TTF1: variants seen among roughly 807,000 people sequenced by gnomAD.
The protein encoded by TTF1 is transcription termination factor 1.
A neutral mutation model predicts 80.2 loss-of-function variants in TTF1; 64 were observed. That is an observed-to-expected ratio of 0.80 (90% CI 0.65 to 0.98). TTF1 has a LOEUF of 0.98. Ranked by LOEUF, TTF1 falls within the 50% of genes least tolerant of loss-of-function variation. The probability of loss-of-function intolerance (pLI) is 0.00; values close to 1 mark genes in which losing one functional copy is unlikely to be tolerated. For synonymous variants in TTF1, 372 were observed against 382.7 expected, an observed-to-expected ratio of 0.97 and a Z score of 0.33; for missense variants, 1,023 against 1,086.2, an observed-to-expected ratio of 0.94 and a Z score of 0.82.
chr9:132,391,713 G>C (rs373904822), intron 6 of TTF1, among the ~76,000 whole-genome samples: 1 of 152,284 alleles, frequency 6.6e-6, no homozygotes, highest in South Asian at 2.1e-4. Context: ...AAAAGTCCCC[G>C]CCTGACGGGC....
At chr9:132,397,745 G>C (rs1484134602) in intron 4 of TTF1, among the ~76,000 whole-genome samples, 1 of 152,202 alleles carries the variant, frequency 6.6e-6, no homozygotes, top group Non-Finnish European at 1.5e-5. Flanking sequence ...CCAGCACTTT[G>C]GGAGGCCGAG....
At chr9:132,396,058 C>G (rs1016944289) in intron 5 of TTF1, among the ~76,000 whole-genome samples, 1 of 152,138 alleles carries the variant, frequency 6.6e-6, no homozygotes, top group Admixed American at 6.5e-5. Flanking sequence ...TACTAAAAAC[C>G]CACAGCACTC....
intron 4 of TTF1, 69 bp from the exon 5 acceptor site, chr9:132,396,580 G>C: frequency 7.6e-7 from 1 of 1,310,986 alleles, no homozygotes; most frequent in East Asian, 2.3e-5. Flanking sequence ...AAGGAACCCA[G>C]AACAGCCCTT....
chr9:132,379,081 A>G lies in TTF1; in HGVS notation c.2442T>C (p.Phe814=), dbSNP rs750911734. Residue 814 remains phenylalanine (F), a synonymous_variant, in exon 10 of 11, where the codon TTT becomes TTC. Coordinates refer to ENST00000334270, the MANE Select transcript of TTF1 (RefSeq NM_007344.4). ...FSRLKAVYVP[F]WQKKTFPEII... is the part of the protein sequence containing the mutation. ...AACCTGGAAAAGTCTTTTTCTGCCA[A>G]AATGGAACATAGACAGCTTTCAGCC... 6.8e-6 allele frequency: 11 copies of G among 1,609,712 alleles called. No homozygotes were observed. The highest frequency in any genetic ancestry group is 9.3e-6 in the Non-Finnish European group (11 of 1,178,746).
In TTF1 at chr9:132,401,777, T is replaced by G; in HGVS notation, c.1045A>C (p.Met349Leu). Residue 349 changes from methionine (M) to leucine (L), a missense_variant, in exon 2 of 11, where the codon ATG becomes CTG. Transcript: ENST00000334270. ...SNHQEFEAVAMPESLESAYPE... is the reference protein window; with the variant it reads ...SNHQEFEAVALPESLESAYPE... ...TATGCACTCTCGAGGCTCTCAGGCA[T>G]GGCCACTGCCTCAAATTCCTGGTGA... 1 of 1,614,214 alleles carries G rather than the reference T, an allele frequency of 6.2e-7. No individual in the cohort carries two copies. Among genetic ancestry groups the G allele is most frequent in the Admixed American group, 1.7e-5 (1 of 60,026 alleles).
At chr9:132,388,456 C>T (rs1849509008) in intron 7 of TTF1, among the ~76,000 whole-genome samples, 2 of 152,056 alleles carry the variant, frequency 1.3e-5, no homozygotes, top group African/African-American at 4.8e-5. Context: ...CCTGCCTCAG[C>T]CTCCCGAGTA....
Position 132,384,514 on chromosome 9 carries a change from T to G in TTF1, c.2378+2042A>C, listed in dbSNP as rs111884113. On this transcript the variant is annotated intron_variant, in intron 9 of 10. Transcript: ENST00000334270. This position sits in a 1 kb window ranked among gnomAD's most constrained non-coding sequence, Gnocchi z 4.1. ...GAGAGTAGGTATAAATAGCCAACATTAGCCATCAGAACATCACTCAGATCC... is the reference window on the plus strand; with the variant it reads ...GAGAGTAGGTATAAATAGCCAACATGAGCCATCAGAACATCACTCAGATCC... 4.4e-3 allele frequency among the ~76,000 whole-genome samples: 670 copies of G among 152,314 alleles called. 5 individuals are homozygous for G. The highest frequency in any genetic ancestry group is 7.7e-3 in the Non-Finnish European group (525 of 68,030).
At chr9:132,377,909 T>TGTG (rs1491550483) in intron 10 of TTF1, among the ~76,000 whole-genome samples, 2 of 124,152 alleles carry the variant, frequency 1.6e-5, no homozygotes, top group Admixed American at 8.4e-5. Flanking sequence ...TGTGAGTGCA[T>TGTG]GTGTGTGTGA....
rs372938066 is a variant in TTF1 at position 132,379,559 on chromosome 9, C to T, written c.2379-415G>A. On this transcript the variant is annotated intron_variant, in intron 9 of 10. Coordinates refer to ENST00000334270, the MANE Select transcript of TTF1 (RefSeq NM_007344.4). The stretch of plus-strand genomic sequence containing the variant: ...AGGAGGGAGTTACCACTCTCTCCCT[C>T]GTGCTGGAGAGACGAGGAAACTGAG... Among the ~76,000 whole-genome samples the T allele has an allele frequency of 9.2e-5, 14 of 152,280 alleles. No individual in the cohort carries two copies. In the East Asian group the frequency reaches 1.2e-3, roughly 13 times the overall value.
At chr9:132,404,276 C>T (rs936043946) in intron 1 of TTF1, among the ~76,000 whole-genome samples, 1 of 152,150 alleles carries the variant, frequency 6.6e-6, no homozygotes, top group African/African-American at 2.4e-5. Context: ...ATGCTAAGCA[C>T]ATTTTCTACA....
At chr9:132,393,450 T>C (rs1418674176) in intron 5 of TTF1, among the ~76,000 whole-genome samples, 1 of 152,296 alleles carries the variant, frequency 6.6e-6, no homozygotes, top group African/African-American at 2.4e-5. Flanking sequence ...ACATGAGCGA[T>C]CTGTGCCATA....
intron 10 of TTF1, among the ~76,000 whole-genome samples, chr9:132,376,767 T>TCCTCCCACCTCAGCCTCCC (rs538078200): frequency 2.0e-5 from 3 of 148,834 alleles, no homozygotes; most frequent in Non-Finnish European, 3.0e-5. Flanking sequence ...GATCAAGCAA[T>TCCTCCCACCTCAGCCTCCC]CCTCCCACCT....
intron 3 of TTF1, 68 bp from the exon 4 acceptor site, chr9:132,398,394 G>T (rs1849696909): frequency 6.6e-7 from 1 of 1,506,404 alleles, no homozygotes; most frequent in Middle Eastern, 1.7e-4. Context: ...CCTATGACTT[G>T]GTTTTTCATC....
intron 9 of TTF1, among the ~76,000 whole-genome samples, 199 bp downstream of exon 9, chr9:132,386,357 G>A (rs1343264322): frequency 2.0e-5 from 3 of 152,156 alleles, no homozygotes; most frequent in Admixed American, 6.5e-5. Flanking sequence ...GAGCCTTTAC[G>A]TATACACTGC....
rs773373761 is a variant in TTF1 at position 132,396,480 on chromosome 9, T to C, written c.1809A>G (p.Ile603Met). The change falls in exon 5 of 11, where the codon ATA (isoleucine) becomes ATG (methionine). Residue 603 changes from isoleucine (I) to methionine (M), a missense_variant. Coordinates refer to ENST00000334270, the MANE Select transcript of TTF1 (RefSeq NM_007344.4). ...GRNIARPWKL[I>M]YYRAKKMFDV... ...CGAACATCTTCTTTGCTCGATAGTA[T>C]ATAAGTTTCCAGGGCCGGGCAATGT... The C allele has an allele frequency of 7.4e-6, 12 of 1,614,158 alleles. No homozygotes were observed. Among genetic ancestry groups the C allele is most frequent in the Non-Finnish European group, 1.0e-5 (12 of 1,180,030 alleles).
At chr9:132,389,876 A>T (rs989740862) in intron 7 of TTF1, among the ~76,000 whole-genome samples, 9 of 152,224 alleles carry the variant, frequency 5.9e-5, no homozygotes, top group Non-Finnish European at 1.3e-4. Flanking sequence ...CATCTGAGGA[A>T]CCGCAGAAGC....
At chr9:132,390,569 A>G in intron 7 of TTF1, 28 bp downstream of exon 7, 1 of 1,602,768 alleles carries the variant, frequency 6.2e-7, no homozygotes, top group Non-Finnish European at 8.5e-7. Flanking sequence ...AGCTGGAGAG[A>G]CAGAGAAAGA....
Position 132,398,260 on chromosome 9 carries a change from T to C in TTF1, c.1658A>G (p.Asp553Gly). The C allele has an allele frequency of 6.2e-7, 1 of 1,609,606 alleles. No individual in the cohort carries two copies. The highest frequency in any genetic ancestry group is 8.5e-7 in the Non-Finnish European group (1 of 1,178,532). Residue 553 changes from aspartate (D) to glycine (G), a missense_variant, in exon 4 of 11, where the codon GAC becomes GGC. By Grantham distance (94) the Asp-to-Gly change is moderately conservative. Coordinates refer to ENST00000334270, the MANE Select transcript of TTF1 (RefSeq NM_007344.4). The part of the protein sequence containing the change: ...ENKQLEKNVE[D>G]FLALTGIESA... ...CTCAATGCCTGTCAGGGCTAGAAAG[T>C]CTTCCACATTTTTCTCTAACTGCTT...
chr9:132,403,765 A>C lies in TTF1; in HGVS notation c.-7-937T>G, dbSNP rs145780109. 3.4e-4 allele frequency among the ~76,000 whole-genome samples: 52 copies of C among 152,244 alleles called. 2 individuals carry two copies. The East Asian group carries it at 0.01, about 29-fold the overall frequency. On this transcript the variant is annotated intron_variant, in intron 1 of 10. Coordinates refer to ENST00000334270, the MANE Select transcript of TTF1 (RefSeq NM_007344.4). ...GTTTGTACCATGGAGAAGCCATTAG[A>C]CTCCATTCGAGTGCAGGATCCACAA...
Sources: allele counts gnomAD v4.1 joint callset (sites outside exome capture counted in the v4.1 genomes callset), GRCh38; gene constraint gnomAD v4.1.1; non-coding constraint Gnocchi (gnomAD v3.1); transcripts MANE v1.5; gene names NCBI Gene and HGNC (gene_info 2026-07-23, HGNC 2026-07-21).